ZNF37A: variants seen among roughly 807,000 people sequenced by gnomAD.
ZNF37A encodes zinc finger protein 37a (KOX 21).
Under a neutral mutation model 12.3 loss-of-function variants are expected in ZNF37A, and 10 were observed. The ratio of observed to expected loss-of-function variants is 0.82; its 90% CI spans 0.50 to 1.38. The LOEUF (loss-of-function observed/expected upper bound fraction) is 1.38. ZNF37A is among the 40% of genes most tolerant of loss of function. ZNF37A has a pLI of 0.00. For synonymous variants in ZNF37A, 207 were observed against 223.0 expected (o/e 0.93, Z 0.64); for missense variants, 580 against 651.2 (o/e 0.89, Z 1.19).
chr10:38,132,237 C>T (rs1284184891), intron 7 of ZNF37A, among the ~76,000 whole-genome samples: 1 of 152,058 alleles, frequency 6.6e-6, no homozygotes, highest in East Asian at 1.9e-4. Context: ...AGCCATGGGT[C>T]TTTCATAAAT....
chr10:38,146,148 T>C (rs978443781), intron 7 of ZNF37A, among the ~76,000 whole-genome samples: 1 of 152,198 alleles, frequency 6.6e-6, no homozygotes, highest in African/African-American at 2.4e-5. Context: ...TTTCTTTCAT[T>C]GAAATCACTG....
intron 5 of ZNF37A, among the ~76,000 whole-genome samples, chr10:38,112,770 C>CGG (rs1564932214): frequency 0.059 from 3,144 of 52,960 alleles, 363 homozygotes; most frequent in African/African-American, 0.082. Context: ...CTTTTCTTTT[C>CGG]TTTTCTTTTC....
chr10:38,127,389 CTCTT>C (rs1564384476), downstream of ZNF37A, among the ~76,000 whole-genome samples: 2 of 152,156 alleles, frequency 1.3e-5, no homozygotes, highest in African/African-American at 4.8e-5. Flanking sequence ...TTGTATTTCT[CTCTT>C]TAATACTAAT....
exon 8 of ZNF37A, chr10:38,146,778 C>T (rs56138852): frequency 3.0e-5 from 12 of 398,398 alleles, no homozygotes; most frequent in African/African-American, 2.1e-4. Context: ...GGATTTGTGC[C>T]GAGACCAGCT....
intron 5 of ZNF37A, among the ~76,000 whole-genome samples, chr10:38,112,802 T>G (rs867598996): frequency 0.07 from 4,823 of 68,854 alleles, 798 homozygotes; most frequent in African/African-American, 0.097. Context: ...TTTCTTGTCT[T>G]GTCTTGTCTT....
intron 5 of ZNF37A, among the ~76,000 whole-genome samples, chr10:38,108,002 C>T (rs878889833): frequency 2.6e-5 from 4 of 152,114 alleles, no homozygotes; most frequent in African/African-American, 9.7e-5. Flanking sequence ...ACCAAGCAGA[C>T]CTAATAGACA....
rs553395392 is a variant in ZNF37A at position 38,104,902 on chromosome 10, G to A, written c.15+8270G>A. Among the ~76,000 whole-genome samples, 9 of 151,826 alleles carry A rather than the reference G, an allele frequency of 5.9e-5. No homozygotes were observed. The East Asian group carries it at 7.7e-4, about 13-fold the overall frequency. The stretch of plus-strand genomic sequence containing the variant: ...TCAATCTTAACCCCATAGCCTTTCT[G>A]TTTTCCATCTTTGTAACTTCTTTCT... On this transcript the variant is annotated intron_variant, in intron 5 of 7. Coordinates refer to ENST00000685332, the MANE Select transcript of ZNF37A (RefSeq NM_001324250.3).
chr10:38,147,414 T>G (rs1564390836), exon 8 of ZNF37A: 1 of 152,240 alleles, frequency 6.6e-6, no homozygotes, highest in Non-Finnish European at 1.5e-5. Context: ...GGGACTGCAT[T>G]GGACCACCTC....
chr10:38,107,716 TA>T (rs1364010974), intron 5 of ZNF37A, among the ~76,000 whole-genome samples: 1 of 152,076 alleles, frequency 6.6e-6, no homozygotes, highest in Non-Finnish European at 1.5e-5. Context: ...TAGTCACTGA[TA>T]AAACAGACTA....
intron 7 of ZNF37A, among the ~76,000 whole-genome samples, chr10:38,132,175 C>G (rs2070036968): frequency 6.6e-6 from 1 of 152,084 alleles, no homozygotes; most frequent in African/African-American, 2.4e-5. Flanking sequence ...AGTATCCTTG[C>G]CTTGTTCTTA....
In ZNF37A at chr10:38,119,946, A is replaced by G. The variant is rs1307048403; in HGVS notation, c.*1109A>G. 1.3e-5 allele frequency: 2 copies of G among 152,218 alleles called. No homozygotes were observed. Among genetic ancestry groups the G allele is most frequent in the Non-Finnish European group, 2.9e-5 (2 of 68,038 alleles). 9.4% of individuals were successfully genotyped at this position (152,218 alleles called of 1,614,324 possible). On this transcript the variant is annotated 3_prime_UTR_variant, in exon 8 of 8. Coordinates refer to ENST00000685332, the MANE Select transcript of ZNF37A (RefSeq NM_001324250.3). ...TTGTATGCAACTTATGAGGATTAGT[A>G]GAAGAGAGTGGGTCCAGATTTCTGG...
chr10:38,112,765 C>CGG (rs2068868731), intron 5 of ZNF37A, among the ~76,000 whole-genome samples: 3,030 of 71,384 alleles, frequency 0.042, 347 homozygotes, highest in African/African-American at 0.066. Flanking sequence ...CTTTTCTTTT[C>CGG]TTTTCTTTTC....
intron 7 of ZNF37A, among the ~76,000 whole-genome samples, chr10:38,131,773 G>A (rs1246963244): frequency 6.6e-6 from 1 of 152,182 alleles, no homozygotes; most frequent in African/African-American, 2.4e-5. Context: ...AAACAGGGAT[G>A]TCTGTCCATT....
intron 5 of ZNF37A, among the ~76,000 whole-genome samples, chr10:38,099,497 C>T (rs943384600): frequency 6.6e-6 from 1 of 152,114 alleles, no homozygotes; most frequent in African/African-American, 2.4e-5. Context: ...TCATTGTACC[C>T]ATGTTTTATT....
Position 38,118,245 on chromosome 10 carries a change from C to A in ZNF37A, c.1094C>A (p.Ser365Ter). The change falls in exon 8 of 8, where the codon TCA becomes TAA. Residue 365 changes from serine (S) to a stop codon, truncating the protein, a stop_gained. Coordinates refer to ENST00000685332, the MANE Select transcript of ZNF37A (RefSeq NM_001324250.3). LOFTEE classifies it low-confidence loss of function (END_TRUNC). ...TGTCATGAATGTGGGAAAACCTTCT[C>A]ATTTAAGTCAGTCCTTACTGTGCAT... ...YECHECGKTF[S>*]FKSVLTVHQK... is the part of the protein sequence containing the mutation. 1 of 1,612,544 alleles carries A rather than the reference C, an allele frequency of 6.2e-7. No homozygotes were observed. The highest frequency in any genetic ancestry group is 8.5e-7 in the Non-Finnish European group (1 of 1,179,538).
At chr10:38,139,362 G>A (rs1030094585) in intron 7 of ZNF37A, 1 of 151,716 alleles carries the variant, frequency 6.6e-6, no homozygotes, top group African/African-American at 2.4e-5. Flanking sequence ...TTTCTTCAAT[G>A]GTTTGATATA....
At chr10:38,131,221 T>C (rs1291341352) in intron 7 of ZNF37A, among the ~76,000 whole-genome samples, 3 of 152,206 alleles carry the variant, frequency 2.0e-5, no homozygotes, top group Admixed American at 6.5e-5. Flanking sequence ...TCAAGTCCAA[T>C]TGACCAATTT....
At position 38,123,595 on chromosome 10, in the gene ZNF37A, C is replaced by T. The variant is rs1255974961; in HGVS notation, c.*4758C>T. Reference sequence around the variant, plus strand: ...ACTAATATCCAAACTGTATCAACATCTGACAAGGTGTTCACAACCAGAATA... The same window carrying T: ...ACTAATATCCAAACTGTATCAACATTTGACAAGGTGTTCACAACCAGAATA... On this transcript the variant is annotated 3_prime_UTR_variant, in exon 8 of 8. Transcript: ENST00000685332. The T allele has an allele frequency of 6.6e-6, 1 of 151,864 alleles. No individual in the cohort carries two copies. The highest frequency in any genetic ancestry group is 1.9e-4 in the East Asian group (1 of 5,168). 9.4% of individuals were successfully genotyped at this position (151,864 alleles called of 1,614,324 possible). A position where few individuals can be genotyped will look rare whatever the true frequency, so the allele number is the denominator to read the frequency against.
intron 5 of ZNF37A, among the ~76,000 whole-genome samples, chr10:38,098,830 A>C (rs1205341978): frequency 6.6e-6 from 1 of 152,128 alleles, no homozygotes; most frequent in Non-Finnish European, 1.5e-5. Flanking sequence ...ATAAGCCTAA[A>C]ATTTTTTTGT....
Sources: gnomAD v4.1 joint callset for allele counts (sites outside exome capture counted in the v4.1 genomes callset) on GRCh38, gnomAD v4.1.1 for gene constraint, MANE v1.5 for transcripts, NCBI Gene and HGNC (gene_info 2026-07-23, HGNC 2026-07-21) for gene names.